The following SSMEM1 variants were observed in gnomAD, a reference collection of about 807,000 sequenced individuals.
The protein encoded by SSMEM1 is serine-rich single-pass membrane protein 1.
Under a neutral mutation model 9.9 loss-of-function variants are expected in SSMEM1, and 12 were observed. The ratio of observed to expected loss-of-function variants is 1.21; its 90% confidence interval spans 0.78 to 1.96. The LOEUF (loss-of-function observed/expected upper bound fraction) is 1.96. Ranked by LOEUF, SSMEM1 falls within the 30% of genes most tolerant of loss-of-function variation. SSMEM1 has a pLI of 0.00. For synonymous variants in SSMEM1, 96 were observed against 98.9 expected, an observed-to-expected ratio of 0.97 and a Z score of 0.17; for missense variants, 259 against 292.2, an observed-to-expected ratio of 0.89 and a Z score of 0.83.
At chr7:130,205,440 G>C, upstream of SSMEM1, 1 of 1,612,142 alleles carries the variant, frequency 6.2e-7, no homozygotes, top group Non-Finnish European at 8.5e-7. Flanking sequence ...CCAAGCTCAA[G>C]CGGGAGGCCA....
chr7:130,214,059 A>G (rs1439973564), intron 2 of SSMEM1, among the ~76,000 whole-genome samples: 1 of 152,208 alleles, frequency 6.6e-6, no homozygotes, highest in African/African-American at 2.4e-5. Context: ...TCAATAACCT[A>G]TAAGCAGTGG....
At chr7:130,211,536 G>T (rs1047011638) in intron 1 of SSMEM1, among the ~76,000 whole-genome samples, 2 of 152,100 alleles carry the variant, frequency 1.3e-5, no homozygotes, top group Non-Finnish European at 2.9e-5. Flanking sequence ...AAACAAAAAG[G>T]CACCTCATTA....
At chr7:130,210,848 T>C (rs898316683) in intron 1 of SSMEM1, among the ~76,000 whole-genome samples, 2 of 152,258 alleles carry the variant, frequency 1.3e-5, no homozygotes, top group Non-Finnish European at 2.9e-5. Context: ...TGACATCAAA[T>C]GTGAGAGCTT....
In SSMEM1 at chr7:130,216,643, A is replaced by G; in HGVS notation, c.*173A>G. ...CTCACACAATTCTTCGTTCAAAAAAAAAAAGGCCATCACGTGTTTATGGCA... is the reference window on the plus strand; with the variant it reads ...CTCACACAATTCTTCGTTCAAAAAAGAAAAGGCCATCACGTGTTTATGGCA... On this transcript the variant is annotated 3_prime_UTR_variant, in exon 3 of 3. Transcript: ENST00000297819. The G allele has an allele frequency of 1.2e-6, 1 of 803,168 alleles. No homozygotes were observed. The highest frequency in any genetic ancestry group is 1.9e-6 in the Non-Finnish European group (1 of 525,822). 49.8% of individuals were successfully genotyped at this position (803,168 alleles called of 1,614,324 possible).
chr7:130,213,430 T>C (rs760902686), intron 1 of SSMEM1, 50 bp from the exon 2 acceptor site: 19 of 1,516,560 alleles, frequency 1.3e-5, no homozygotes, highest in Non-Finnish European at 1.3e-5. Flanking sequence ...AAGTACATAT[T>C]ATCAAAAAAC....
In SSMEM1 at chr7:130,208,138, C is replaced by A. The variant is rs1256206815; in HGVS notation, c.183+45C>A. On this transcript the variant is annotated intron_variant, in intron 1 of 2. Transcript: ENST00000297819. The stretch of plus-strand genomic sequence containing the variant: ...TTTTAAATAATATGTTTACTGTACA[C>A]TAGGAAAATTTCCATAAAATACATT... The A allele has an allele frequency of 1.2e-5, 18 of 1,501,958 alleles. No individual in the cohort carries two copies. The Middle Eastern group carries it at 5.3e-4, about 44-fold the overall frequency. 93.0% of individuals were successfully genotyped at this position (1,501,958 alleles called of 1,614,324 possible). A position where few individuals can be genotyped will look rare whatever the true frequency, so the allele number is the denominator to read the frequency against.
At position 130,208,008 on chromosome 7, in the gene SSMEM1, ACT is replaced by A; in HGVS notation, c.101_102del (p.Ser34LeufsTer23). The A allele has an allele frequency of 6.2e-7, 1 of 1,613,738 alleles. No individual in the cohort carries two copies. Reference sequence around the variant, plus strand: ...CAGGATTATGAATGCTGGAAGGATGACTCTTGTGGAACCATAGGGAGCTTCCT... The same window carrying A: ...CAGGATTATGAATGCTGGAAGGATGACTTGTGGAACCATAGGGAGCTTCCT... On this transcript the variant is annotated frameshift_variant, in exon 1 of 3. Coordinates refer to ENST00000297819, the MANE Select transcript of SSMEM1 (RefSeq NM_145268.4). LOFTEE classifies it high-confidence loss of function.
chr7:130,213,419 C>T, intron 1 of SSMEM1, 61 bp from the exon 2 acceptor site: 2 of 1,389,010 alleles, frequency 1.4e-6, no homozygotes, highest in African/African-American at 1.4e-5. Flanking sequence ...TGTTTTATAA[C>T]AAGTACATAT....
Position 130,216,101 on chromosome 7 carries a change from C to T in SSMEM1, c.366C>T (p.Ala122=). 1 of 1,614,158 alleles carries T rather than the reference C, an allele frequency of 6.2e-7. No homozygotes were observed. The highest frequency in any genetic ancestry group is 8.5e-7 in the Non-Finnish European group (1 of 1,180,034). The change falls in exon 3 of 3, where the codon GCC becomes GCT. Residue 122 remains alanine (A), a synonymous_variant. Coordinates refer to ENST00000297819, the MANE Select transcript of SSMEM1 (RefSeq NM_145268.4). ...VTNSEVALVN[A]YPEQRRARRQ... ...ACTCAGAAGTGGCTTTGGTCAATGC[C>T]TATCCTGAACAAAGACGAGCCAGGC...
chr7:130,208,224 A>C, intron 1 of SSMEM1, 131 bp downstream of exon 1: 1 of 867,500 alleles, frequency 1.2e-6, no homozygotes, highest in Non-Finnish European at 1.7e-6. Flanking sequence ...ATGCAATCTT[A>C]TTCTGGAGAA....
chr7:130,206,677 C>A (rs1045399218), upstream of SSMEM1, among the ~76,000 whole-genome samples: 1 of 152,124 alleles, frequency 6.6e-6, no homozygotes, highest in Non-Finnish European at 1.5e-5. Flanking sequence ...AGTGAAAGGG[C>A]TCAAGGTGCA....
chr7:130,205,610 G>C (rs369296625), upstream of SSMEM1: 1 of 615,588 alleles, frequency 1.6e-6, no homozygotes, highest in Non-Finnish European at 2.9e-6. Flanking sequence ...GCAAAATTCA[G>C]ACCAGGCTCT....
At chr7:130,206,926 C>T (rs1322051606), upstream of SSMEM1, 3 of 200,326 alleles carry the variant, frequency 1.5e-5, no homozygotes, top group South Asian at 5.4e-5. Context: ...GCCGAGGTTG[C>T]GGTGAGCCAA....
chr7:130,205,931 C>T (rs570369640), upstream of SSMEM1, among the ~76,000 whole-genome samples: 180 of 152,280 alleles, frequency 1.2e-3, no homozygotes, highest in African/African-American at 4.1e-3. Context: ...CCGCCTCAGC[C>T]TCCCAAACGC....
intron 1 of SSMEM1, among the ~76,000 whole-genome samples, chr7:130,209,174 C>T (rs990812324): frequency 6.6e-6 from 1 of 152,022 alleles, no homozygotes; most frequent in African/African-American, 2.4e-5. Flanking sequence ...TAACCAAGCT[C>T]TTATAATTTG....
intron 1 of SSMEM1, among the ~76,000 whole-genome samples, chr7:130,209,671 C>T (rs192666449): frequency 6.6e-6 from 1 of 152,334 alleles, no homozygotes; most frequent in African/African-American, 2.4e-5. Context: ...CCTCAGCCTC[C>T]TGGGTTCCAG....
At chr7:130,208,955 C>G (rs1262737936) in intron 1 of SSMEM1, among the ~76,000 whole-genome samples, 1 of 152,010 alleles carries the variant, frequency 6.6e-6, no homozygotes, top group Non-Finnish European at 1.5e-5. Flanking sequence ...CTCCGCCTCC[C>G]GGATTCAAGT....
intron 1 of SSMEM1, among the ~76,000 whole-genome samples, chr7:130,212,516 A>G (rs1163954386): frequency 6.6e-6 from 1 of 152,090 alleles, no homozygotes; most frequent in Admixed American, 6.5e-5. Flanking sequence ...ACCTGAGATC[A>G]GGAGTTCGAG....
intron 1 of SSMEM1, 149 bp downstream of exon 1, chr7:130,208,242 A>C (rs890658459): frequency 6.5e-6 from 5 of 773,514 alleles, no homozygotes; most frequent in Non-Finnish European, 9.6e-6. Flanking sequence ...GAATCCAGGA[A>C]TATGGAAAAG....
Sources: allele counts gnomAD v4.1 joint callset (sites outside exome capture counted in the v4.1 genomes callset), GRCh38; gene constraint gnomAD v4.1.1; transcripts MANE v1.5; gene names NCBI Gene and HGNC (gene_info 2026-07-23, HGNC 2026-07-21).